The following CACNA1C variants were observed in gnomAD, a reference collection of about 807,000 sequenced individuals.
CACNA1C encodes calcium voltage-gated channel subunit alpha1 C, also known as voltage-dependent L-type calcium channel subunit alpha-1C.
A neutral mutation model predicts 229.0 loss-of-function variants in CACNA1C; 30 were observed. The observed-to-expected ratio is 0.13, with a 90% CI of 0.10 to 0.18. The LOEUF (loss-of-function observed/expected upper bound fraction) is 0.18. Among genes scored for constraint, CACNA1C ranks in the 10% least tolerant of loss-of-function variants. The probability of loss-of-function intolerance (pLI) is 1.00; values close to 1 mark genes in which losing one functional copy is unlikely to be tolerated. For synonymous variants in CACNA1C, 1,114 were observed against 1,132.5 expected (o/e 0.98, Z 0.33); for missense variants, 1,658 against 2,845.0 (o/e 0.58, Z 9.49).
intron 3 of CACNA1C, among the ~76,000 whole-genome samples, chr12:2,121,181 C>T (rs903145939): frequency 6.6e-6 from 1 of 152,208 alleles, no homozygotes; most frequent in Non-Finnish European, 1.5e-5. Context: ...CTCTTTCTCC[C>T]CCTCCATTGC....
intron 3 of CACNA1C, among the ~76,000 whole-genome samples, chr12:2,326,747 G>T (rs1488225755): frequency 6.6e-6 from 1 of 152,200 alleles, no homozygotes; most frequent in Non-Finnish European, 1.5e-5. Flanking sequence ...TGGATTTACT[G>T]CCTGAAACAA....
intron 3 of CACNA1C, among the ~76,000 whole-genome samples, chr12:2,347,453 C>A (rs1003987241): frequency 6.6e-6 from 1 of 152,222 alleles, no homozygotes; most frequent in Non-Finnish European, 1.5e-5. Context: ...AAATTAGGCT[C>A]CACATTTGTA....
At chr12:2,119,101 C>T (rs1217140087) in intron 2 of CACNA1C, among the ~76,000 whole-genome samples, 2 of 152,148 alleles carry the variant, frequency 1.3e-5, no homozygotes, top group Non-Finnish European at 2.9e-5. Flanking sequence ...TCGGGAAATC[C>T]GGGCTCTAGT....
At position 2,148,819 on chromosome 12, in the gene CACNA1C, C is replaced by T. The variant is rs990332299; in HGVS notation, c.477+28389C>T. 2.1e-5 allele frequency among the ~76,000 whole-genome samples: 3 copies of T among 140,970 alleles called. No homozygotes were observed. In the Admixed American group the frequency reaches 2.2e-4, roughly 10 times the overall value. The allele number at this position is 140,970 out of a possible 152,430, so 92.5% of individuals were successfully genotyped here. A position where few individuals can be genotyped will look rare whatever the true frequency, so the allele number is the denominator to read the frequency against. On this transcript the variant is annotated intron_variant, in intron 3 of 46. Coordinates refer to ENST00000399655, the MANE Select transcript of CACNA1C (RefSeq NM_000719.7). Reference sequence around the variant, plus strand: ...CCTCGACCTCCAAAGTACCCTCCCTCCCTGCGGTCTGGAGGAGTTGCCTTG... The same window carrying T: ...CCTCGACCTCCAAAGTACCCTCCCTTCCTGCGGTCTGGAGGAGTTGCCTTG...
chr12:1,971,796 C>T lies in CACNA1C; in HGVS notation c.139+595C>T, dbSNP rs113357579. Among the ~76,000 whole-genome samples, 4,143 of 152,168 alleles carry T rather than the reference C, an allele frequency of 0.027. 95 individuals are homozygous for T. Among genetic ancestry groups the T allele is most frequent in the Middle Eastern group, 0.054 (16 of 294 alleles). On this transcript the variant is annotated intron_variant, in intron 1 of 46. Coordinates refer to the CACNA1C transcript ENST00000682462. The surrounding 1 kb of genome is among the most constrained non-coding windows in gnomAD (Gnocchi z 4.2). ...GGATTTGCCTTATCTCATTTATGTT[C>T]CTAATAAATATTTCTGTTTGATCTG...
intron 1 of CACNA1C, among the ~76,000 whole-genome samples, chr12:2,010,407 CT>C (rs1285798522): frequency 6.6e-6 from 1 of 152,090 alleles, no homozygotes; most frequent in Non-Finnish European, 1.5e-5. Flanking sequence ...CCAGGGGGGG[CT>C]TTTGCTAGGG....
chr12:2,239,048 C>T (rs187861203), intron 3 of CACNA1C, among the ~76,000 whole-genome samples: 190 of 152,326 alleles, frequency 1.2e-3, no homozygotes, highest in Non-Finnish European at 1.7e-3. Flanking sequence ...ATTTAGCTAG[C>T]GTCATGCCTG....
At chr12:2,037,956 C>G (rs558257535) in intron 1 of CACNA1C, among the ~76,000 whole-genome samples, 7 of 152,254 alleles carry the variant, frequency 4.6e-5, no homozygotes, top group African/African-American at 1.7e-4. Flanking sequence ...GTGTATTGTT[C>G]TAGGCAACGT....
chr12:2,630,207 A>G lies in CACNA1C; in HGVS notation c.3829-4090A>G, dbSNP rs1229805023. On this transcript the variant is annotated intron_variant, in intron 29 of 46. Transcript: ENST00000399655. This position sits in a 1 kb window ranked among gnomAD's most constrained non-coding sequence, Gnocchi z 5.4. Reference sequence around the variant, plus strand: ...ACAGTCACCAGAGAAATAAGGGGCAACAGGTATAACCAGACTCCAGGTCAG... The same window carrying G: ...ACAGTCACCAGAGAAATAAGGGGCAGCAGGTATAACCAGACTCCAGGTCAG... 6.6e-6 allele frequency among the ~76,000 whole-genome samples: 1 copy of G among 152,180 alleles called. No homozygotes were observed. The highest frequency in any genetic ancestry group is 1.5e-5 in the Non-Finnish European group (1 of 68,032).
chr12:2,182,420 C>T (rs1306764293), intron 3 of CACNA1C, among the ~76,000 whole-genome samples: 1 of 151,946 alleles, frequency 6.6e-6, no homozygotes, highest in East Asian at 1.9e-4. Flanking sequence ...GTTTTTTTCC[C>T]CCTCCTAAAC....
In CACNA1C at chr12:2,602,561, G is replaced by A. The variant is rs1181527239; in HGVS notation, c.2960+601G>A. Among the ~76,000 whole-genome samples the A allele has an allele frequency of 2.0e-5, 3 of 151,928 alleles. No homozygotes were observed. The highest frequency in any genetic ancestry group is 7.3e-5 in the African/African-American group (3 of 41,310). ...TGCATATGTGTCTATGGACGTGAATGTATATGTGTATGTATGTGCATATGT... is the reference window on the plus strand; with the variant it reads ...TGCATATGTGTCTATGGACGTGAATATATATGTGTATGTATGTGCATATGT... On this transcript the variant is annotated intron_variant, in intron 22 of 46. Transcript: ENST00000399655. The surrounding 1 kb of genome is among the most constrained non-coding windows in gnomAD (Gnocchi z 4.4).
intron 3 of CACNA1C, chr12:2,270,064 G>T (rs1417362692): frequency 6.6e-6 from 1 of 152,256 alleles, no homozygotes; most frequent in Non-Finnish European, 1.5e-5. Context: ...GGCACCTCAA[G>T]CAGTCCCCAT....
At chr12:2,098,163 G>A (rs2075034428) in intron 1 of CACNA1C, among the ~76,000 whole-genome samples, 1 of 152,204 alleles carries the variant, frequency 6.6e-6, no homozygotes, top group Admixed American at 6.5e-5. Context: ...ATAACTTCAT[G>A]TCTATATGAA....
At chr12:2,478,527 AG>A (rs1227776835) in intron 5 of CACNA1C, among the ~76,000 whole-genome samples, 1 of 152,244 alleles carries the variant, frequency 6.6e-6, no homozygotes, top group Non-Finnish European at 1.5e-5. Context: ...GGTCCCACTG[AG>A]ACCTGTGTCA....
In CACNA1C at chr12:2,550,118, G is replaced by A. The variant is rs1027891056; in HGVS notation, c.1481+85G>A. 14 of 953,902 alleles carry A rather than the reference G, an allele frequency of 1.5e-5. No individual in the cohort carries two copies. In the African/African-American group the frequency reaches 2.3e-4, roughly 15 times the overall value. 59.1% of individuals were successfully genotyped at this position (953,902 alleles called of 1,614,324 possible). A position where few individuals can be genotyped will look rare whatever the true frequency, so the allele number is the denominator to read the frequency against. ...TGCATCTGGAAATCACAGTGGGCTG[G>A]CTCATCACTAGGAAGGGCAGAGATT... On this transcript the variant is annotated intron_variant, in intron 10 of 46. Coordinates refer to ENST00000399655, the MANE Select transcript of CACNA1C (RefSeq NM_000719.7).
intron 1 of CACNA1C, among the ~76,000 whole-genome samples, chr12:2,095,777 G>A (rs530764030): frequency 1.3e-5 from 2 of 152,298 alleles, no homozygotes; most frequent in South Asian, 4.1e-4. Context: ...CTATGAGGAC[G>A]GAGCGTGGAT....
chr12:2,558,922 A>G (rs1163926834), intron 11 of CACNA1C, among the ~76,000 whole-genome samples: 1 of 152,114 alleles, frequency 6.6e-6, no homozygotes, highest in East Asian at 1.9e-4. Flanking sequence ...CTTATTACAG[A>G]GCAAGAGCTC....
chr12:2,628,465 G>T (rs1287061156), intron 29 of CACNA1C, among the ~76,000 whole-genome samples: 2 of 152,166 alleles, frequency 1.3e-5, no homozygotes, highest in Non-Finnish European at 2.9e-5. Context: ...CTGAGAGACA[G>T]ACTAAAGGAG....
At chr12:2,389,170 A>G (rs112178675) in intron 3 of CACNA1C, among the ~76,000 whole-genome samples, 3 of 152,198 alleles carry the variant, frequency 2.0e-5, no homozygotes, top group Non-Finnish European at 4.4e-5. Flanking sequence ...GGTGTTGGGA[A>G]TAGAGGTGGT....
Sources: allele counts gnomAD v4.1 joint callset (sites outside exome capture counted in the v4.1 genomes callset), GRCh38; gene constraint gnomAD v4.1.1; non-coding constraint Gnocchi (gnomAD v3.1); transcripts MANE v1.5; gene names NCBI Gene and HGNC (gene_info 2026-07-23, HGNC 2026-07-21).